Variants in MYH4 observed in about 807,000 individuals in gnomAD.
MYH4 encodes myosin-4.
A neutral mutation model predicts 229.9 loss-of-function variants in MYH4; 200 were observed. That is an observed-to-expected ratio of 0.87 (90% confidence interval 0.78 to 0.98). MYH4 has a LOEUF of 0.98. Ranked by LOEUF, MYH4 falls within the 50% of genes least tolerant of loss-of-function variation. The probability of loss-of-function intolerance (pLI) is 0.00; values close to 1 mark genes in which losing one functional copy is unlikely to be tolerated. For missense variants in MYH4, 2,148 were observed against 2,332.6 expected (o/e 0.92, Z 1.63); for synonymous variants, 761 against 834.6 (o/e 0.91, Z 1.52).
At chr17:10,465,398 C>CA (rs748360321) in intron 5 of MYH4, 44 bp downstream of exon 5, 184 of 1,605,996 alleles carry the variant, frequency 1.1e-4, no homozygotes, top group Non-Finnish European at 1.5e-4. Context: ...TATCAGTATA[C>CA]AACTATTTTA....
Position 10,455,077 on chromosome 17 carries a change from C to T in MYH4, c.2299G>A (p.Val767Ile), listed in dbSNP as rs2072623785. Residue 767 changes from valine (V) to isoleucine (I), a missense_variant and splice_region_variant, in exon 21 of 40, where the codon GTT becomes ATT. Physicochemically the swap from Val to Ile is conservative, Grantham distance 29 (BLOSUM62 3). Coordinates refer to ENST00000255381, the MANE Select transcript of MYH4 (RefSeq NM_017533.2). ...HTQYKFGHTKVFFKAGLLGTL... is the reference protein window; with the variant it reads ...HTQYKFGHTKIFFKAGLLGTL... ...CCCAGCAGGCCAGCTTTGAAGAAAA[C>T]CTTATGAAAGAACAAGTTAAATATG... 1 of 1,614,108 alleles carries T rather than the reference C, an allele frequency of 6.2e-7. No homozygotes were observed. The highest frequency in any genetic ancestry group is 1.7e-5 in the Admixed American group (1 of 60,014).
At chr17:10,456,699 C>G (rs2041123) in intron 16 of MYH4, 144 bp from the exon 17 acceptor site, 223,167 of 633,278 alleles carry the variant, frequency 0.35, 45,750 homozygotes, top group East Asian at 0.8. Flanking sequence ...CATATCTCTC[C>G]TCCCTCAATT....
In MYH4 at chr17:10,463,678, A is replaced by C. The variant is rs536261181; in HGVS notation, c.649-35T>G. ...AATGAATAAGACAGACAAAGAAAAAAGTTGCAGTAAATAATTTCCCATTGA... is the reference window on the plus strand; with the variant it reads ...AATGAATAAGACAGACAAAGAAAAACGTTGCAGTAAATAATTTCCCATTGA... On this transcript the variant is annotated intron_variant, in intron 7 of 39. Coordinates refer to ENST00000255381, the MANE Select transcript of MYH4 (RefSeq NM_017533.2). 3 of 1,511,952 alleles carry C rather than the reference A, an allele frequency of 2.0e-6. No individual in the cohort carries two copies. The African/African-American group carries it at 4.2e-5, about 21-fold the overall frequency. The allele number at this position is 1,511,952 out of a possible 1,614,324, so 93.7% of individuals were successfully genotyped here.
rs377354949 is a variant in MYH4 at position 10,451,479 on chromosome 17, G to A, written c.3739-27C>T. ...TGGGGTGAGAGGTAGAAAACAGGAA[G>A]AGACAATACATTTTTATTCTAGAGG... is the stretch of plus-strand genomic sequence containing the variant. On this transcript the variant is annotated intron_variant, in intron 27 of 39. Coordinates refer to ENST00000255381, the MANE Select transcript of MYH4 (RefSeq NM_017533.2). The A allele has an allele frequency of 3.7e-4, 588 of 1,605,112 alleles. 3 individuals are homozygous for A. In the African/African-American group the frequency reaches 5.8e-3, roughly 16 times the overall value.
chr17:10,464,630 A>G (rs754047887), intron 6 of MYH4, 44 bp from the exon 7 acceptor site: 1 of 1,613,174 alleles, frequency 6.2e-7, no homozygotes, highest in Non-Finnish European at 8.5e-7. Flanking sequence ...CTAAGGTAGT[A>G]GTAGCCACTA....
At chr17:10,461,621 C>T (rs936409690) in intron 11 of MYH4, among the ~76,000 whole-genome samples, 9 of 152,076 alleles carry the variant, frequency 5.9e-5, no homozygotes, top group Admixed American at 4.6e-4. Context: ...CACAGCTCAG[C>T]GACCACGAGA....
intron 35 of MYH4, among the ~76,000 whole-genome samples, chr17:10,445,982 C>T (rs546921403): frequency 1.1e-4 from 15 of 139,262 alleles, no homozygotes; most frequent in Non-Finnish European, 1.5e-4. Flanking sequence ...GAGCCGAGAT[C>T]GCACCACTGC....
At chr17:10,456,417 A>G in intron 17 of MYH4, 68 bp downstream of exon 17, 1 of 1,324,538 alleles carries the variant, frequency 7.5e-7, no homozygotes, top group African/African-American at 1.5e-5. Flanking sequence ...TCTTTTAAAA[A>G]ATTTTCTGTT....
At position 10,448,482 on chromosome 17, in the gene MYH4, C is replaced by T. The variant is rs866181641; in HGVS notation, c.4570G>A (p.Gly1524Arg). 3 of 1,613,990 alleles carry T rather than the reference C, an allele frequency of 1.9e-6. No individual in the cohort carries two copies. In the East Asian group the frequency reaches 6.7e-5, roughly 36 times the overall value. Reference sequence around the variant, plus strand: ...TTCTCCAGTTCATGGATATGCTTTCCACCCTCTGCAATTTGCTCTGTCAGG... The same window carrying T: ...TTCTCCAGTTCATGGATATGCTTTCTACCCTCTGCAATTTGCTCTGTCAGG... The part of the protein sequence containing the change: ...SDLTEQIAEG[G>R]KHIHELEKVK... Residue 1524 changes from glycine (G) to arginine (R), a missense_variant, in exon 33 of 40, where the codon GGA becomes AGA. Gly to Arg is a moderately radical substitution (Grantham distance 125). Coordinates refer to ENST00000255381, the MANE Select transcript of MYH4 (RefSeq NM_017533.2).
At chr17:10,461,200 C>T in intron 11 of MYH4, 146 bp from the exon 12 acceptor site, 2 of 883,832 alleles carry the variant, frequency 2.3e-6, no homozygotes, top group Non-Finnish European at 3.5e-6. Flanking sequence ...TACTCATATG[C>T]TTTACCTTTT....
intron 29 of MYH4, 41 bp downstream of exon 29, chr17:10,450,736 A>G (rs1232437674): frequency 6.8e-6 from 11 of 1,609,792 alleles, no homozygotes; most frequent in South Asian, 1.1e-5. Context: ...GTTATGTTGC[A>G]CGGTTCAAGT....
At chr17:10,456,630 C>A in intron 16 of MYH4, 75 bp from the exon 17 acceptor site, 2 of 1,160,784 alleles carry the variant, frequency 1.7e-6, no homozygotes, top group East Asian at 2.4e-5. Context: ...TCAGGACTGC[C>A]AAAATTCCCT....
intron 15 of MYH4, among the ~76,000 whole-genome samples, chr17:10,458,575 T>C (rs2072666353): frequency 1.3e-5 from 2 of 152,188 alleles, no homozygotes; most frequent in Admixed American, 6.5e-5. Flanking sequence ...CCTTTCCCAC[T>C]GCTTAGGGTA....
At chr17:10,465,267 T>G (rs928277564) in intron 5 of MYH4, among the ~76,000 whole-genome samples, 175 bp downstream of exon 5, 1 of 152,208 alleles carries the variant, frequency 6.6e-6, no homozygotes, top group African/African-American at 2.4e-5. Context: ...TAAGCAAAAC[T>G]TCTTCTATGT....
rs2072727879 is a variant in MYH4, at chr17:10,463,658, A to G, written c.649-15T>C. 5 of 1,571,498 alleles carry G rather than the reference A, an allele frequency of 3.2e-6. No individual in the cohort carries two copies. The highest frequency in any genetic ancestry group is 4.3e-6 in the Non-Finnish European group (5 of 1,154,394). ...TCAAGGGTCCCCTTAAGAGAAATGA[A>G]TAAGACAGACAAAGAAAAAAGTTGC... On this transcript the variant is annotated splice_polypyrimidine_tract_variant and intron_variant, in intron 7 of 39. Coordinates refer to ENST00000255381, the MANE Select transcript of MYH4 (RefSeq NM_017533.2).
chr17:10,459,559 G>A, intron 14 of MYH4, 138 bp from the exon 15 acceptor site: 1 of 1,425,794 alleles, frequency 7.0e-7, no homozygotes, highest in Admixed American at 2.3e-5. Context: ...CTATTATATA[G>A]TTCTAAACAA....
At chr17:10,450,749 T>C in intron 29 of MYH4, 28 bp downstream of exon 29, 1 of 1,610,520 alleles carries the variant, frequency 6.2e-7, no homozygotes, top group Non-Finnish European at 8.5e-7. Context: ...GTTCAAGTGA[T>C]TGAAAGTATC....
chr17:10,444,429 C>T (rs904683845), intron 39 of MYH4, among the ~76,000 whole-genome samples, 175 bp downstream of exon 39: 1 of 152,094 alleles, frequency 6.6e-6, no homozygotes, highest in Non-Finnish European at 1.5e-5. Flanking sequence ...GAAATAAACT[C>T]AAATCTATAA....
intron 4 of MYH4, among the ~76,000 whole-genome samples, chr17:10,465,885 C>T (rs1815630699): frequency 6.7e-6 from 1 of 149,212 alleles, no homozygotes; most frequent in African/African-American, 2.5e-5. Context: ...CGCCATTCTC[C>T]TGCCTCAGCC....
Sources: gnomAD v4.1 joint callset for allele counts (sites outside exome capture counted in the v4.1 genomes callset) on GRCh38, gnomAD v4.1.1 for gene constraint, MANE v1.5 for transcripts, NCBI Gene and HGNC (gene_info 2026-07-23, HGNC 2026-07-21) for gene names.